Variants in PSD2 observed in about 807,000 individuals in gnomAD.
PSD2 encodes pleckstrin and Sec7 domain containing 2, also known as PH and SEC7 domain-containing protein 2.
PSD2 carries 38 observed loss-of-function variants against 69.8 expected under a neutral mutation model. The ratio of observed to expected loss-of-function variants is 0.54; its 90% CI spans 0.42 to 0.71. PSD2 has a LOEUF of 0.71. Ranked by LOEUF, PSD2 falls within the 30% of genes least tolerant of loss-of-function variation. PSD2 has a pLI of 0.00. For synonymous variants in PSD2, 412 were observed against 423.0 expected (o/e 0.97, Z 0.32); for missense variants, 943 against 1,014.5 (o/e 0.93, Z 0.96).
intron 7 of PSD2, among the ~76,000 whole-genome samples, chr5:139,829,315 G>GT: frequency 6.6e-6 from 1 of 152,178 alleles, no homozygotes; most frequent in Non-Finnish European, 1.5e-5. Flanking sequence ...TAAAAATCAT[G>GT]TATATTCTTA....
At chr5:139,819,398 T>C (rs910035317) in intron 5 of PSD2, among the ~76,000 whole-genome samples, 22 of 152,336 alleles carry the variant, frequency 1.4e-4, no homozygotes, top group African/African-American at 4.8e-4. Flanking sequence ...TGCCCCCTCT[T>C]CAACAAAATA....
chr5:139,840,276 C>G, intron 14 of PSD2, 106 bp downstream of exon 14: 1 of 1,281,624 alleles, frequency 7.8e-7, no homozygotes, highest in Non-Finnish European at 1.1e-6. Flanking sequence ...TAAAGGGGCT[C>G]ATTGATGTGG....
the PSD2 span, among the ~76,000 whole-genome samples, chr5:139,760,389 C>T: frequency 8.5e-5 from 13 of 152,232 alleles, no homozygotes; most frequent in Admixed American, 3.3e-4. Context: ...GGTGTGCTCA[C>T]GGGGGACCCA....
rs1760820555 is a variant in PSD2, at chr5:139,839,586, T to C, written c.1969-441T>C. Among the ~76,000 whole-genome samples, 1 of 152,206 alleles carries C rather than the reference T, an allele frequency of 6.6e-6. No homozygotes were observed. The highest frequency in any genetic ancestry group is 2.4e-5 in the African/African-American group (1 of 41,448). On this transcript the variant is annotated intron_variant, in intron 13 of 14. Transcript: ENST00000274710. This position sits in a 1 kb window ranked among gnomAD's most constrained non-coding sequence, Gnocchi z 5.1. ...ATCCTGGGTCTGCAACCATTACGTG[T>C]ATCTGCGCATGAATGTAAGAGAACG...
chr5:139,761,460 G>A, the PSD2 span, among the ~76,000 whole-genome samples: 1 of 152,264 alleles, frequency 6.6e-6, no homozygotes, highest in Non-Finnish European at 1.5e-5. Context: ...CTGTAAAAGG[G>A]GCTTCGCACA....
intron 7 of PSD2, among the ~76,000 whole-genome samples, chr5:139,824,112 G>A (rs889501863): frequency 3.3e-5 from 5 of 152,232 alleles, no homozygotes; most frequent in African/African-American, 9.6e-5. Context: ...AGACAGCAGT[G>A]TTGCTGGCCT....
At chr5:139,790,951 C>T (rs116732553), upstream of PSD2, among the ~76,000 whole-genome samples, 1,057 of 151,840 alleles carry the variant, frequency 7.0e-3, 14 homozygotes, top group African/African-American at 0.024. Context: ...CTCGGGAGAC[C>T]GAAGCAGGAA....
At chr5:139,774,201 G>A in the PSD2 span, among the ~76,000 whole-genome samples, 1 of 152,108 alleles carries the variant, frequency 6.6e-6, no homozygotes, top group African/African-American at 2.4e-5. Flanking sequence ...CAGGAATGGA[G>A]GGTGGGGAGC....
chr5:139,821,179 C>G (rs551657851), intron 5 of PSD2, among the ~76,000 whole-genome samples: 1 of 152,150 alleles, frequency 6.6e-6, no homozygotes, highest in Non-Finnish European at 1.5e-5. Context: ...GTGATCTGCC[C>G]AACTCGGCCT....
chr5:139,793,856 G>T (rs2194141), upstream of PSD2, among the ~76,000 whole-genome samples: 1 of 152,116 alleles, frequency 6.6e-6, no homozygotes, highest in African/African-American at 2.4e-5. Context: ...ACAAAGAGGG[G>T]GACTGCTACC....
the PSD2 span, among the ~76,000 whole-genome samples, chr5:139,789,320 G>A: frequency 6.6e-6 from 1 of 152,170 alleles, no homozygotes; most frequent in Non-Finnish European, 1.5e-5. Context: ...CTGTGATAGA[G>A]GCAGACCTGC....
At chr5:139,812,970 T>C (rs1025942794) in intron 2 of PSD2, among the ~76,000 whole-genome samples, 5 of 152,128 alleles carry the variant, frequency 3.3e-5, no homozygotes, top group Non-Finnish European at 5.9e-5. Context: ...TAAGAGTGTT[T>C]CCATCCAAGC....
chr5:139,826,324 A>G (rs529442777), intron 7 of PSD2, among the ~76,000 whole-genome samples: 1 of 152,302 alleles, frequency 6.6e-6, no homozygotes, highest in South Asian at 2.1e-4. Context: ...AAAACAGCCC[A>G]ACCTTGTGCA....
chr5:139,802,681 G>A (rs1483880338), intron 1 of PSD2, among the ~76,000 whole-genome samples: 1 of 152,150 alleles, frequency 6.6e-6, no homozygotes, highest in Non-Finnish European at 1.5e-5. Flanking sequence ...AGAGTCACCA[G>A]CTGTAAACAT....
At chr5:139,763,545 T>C in the PSD2 span, among the ~76,000 whole-genome samples, 1 of 152,182 alleles carries the variant, frequency 6.6e-6, no homozygotes, top group Non-Finnish European at 1.5e-5. Flanking sequence ...GCCTGTGCTC[T>C]AGTCTCCTAG....
chr5:139,774,639 C>T, the PSD2 span, among the ~76,000 whole-genome samples: 1 of 152,130 alleles, frequency 6.6e-6, no homozygotes, highest in East Asian at 1.9e-4. Context: ...TACAGGAGCC[C>T]ACCACCACGC....
In PSD2 at chr5:139,843,052, T is replaced by A. The variant is rs1760915093; in HGVS notation, c.*578T>A. 1 of 153,766 alleles carries A rather than the reference T, an allele frequency of 6.5e-6. No individual in the cohort carries two copies. 9.5% of individuals were successfully genotyped at this position (153,766 alleles called of 1,614,324 possible). On this transcript the variant is annotated 3_prime_UTR_variant, in exon 15 of 15. Coordinates refer to ENST00000274710, the MANE Select transcript of PSD2 (RefSeq NM_032289.4). ...AGTGTAAAGCTGACTCCATCACATGTGCATCCACTTCTTTTCATCCATTGA... is the reference window on the plus strand; with the variant it reads ...AGTGTAAAGCTGACTCCATCACATGAGCATCCACTTCTTTTCATCCATTGA...
At chr5:139,761,075 G>A in the PSD2 span, among the ~76,000 whole-genome samples, 2 of 152,298 alleles carry the variant, frequency 1.3e-5, no homozygotes, top group East Asian at 1.9e-4. Flanking sequence ...CAGGGAAGAT[G>A]TGTGAGAGAA....
At chr5:139,764,119 G>A in the PSD2 span, among the ~76,000 whole-genome samples, 1 of 152,322 alleles carries the variant, frequency 6.6e-6, no homozygotes, top group African/African-American at 2.4e-5. Context: ...TGCATGAGGA[G>A]GGCTGAGCAC....
Sources: gnomAD v4.1 joint callset for allele counts (sites outside exome capture counted in the v4.1 genomes callset) on GRCh38, gnomAD v4.1.1 for gene constraint, Gnocchi (gnomAD v3.1) non-coding constraint, MANE v1.5 for transcripts, NCBI Gene and HGNC (gene_info 2026-07-23, HGNC 2026-07-21) for gene names.